TMEM232: variants seen among roughly 807,000 people sequenced by gnomAD.
TMEM232 encodes transmembrane protein 232.
TMEM232 carries 80 observed loss-of-function variants against 78.8 expected under a neutral mutation model. The ratio of observed to expected loss-of-function variants is 1.01; its 90% CI spans 0.85 to 1.22. TMEM232 has a LOEUF of 1.22. Among genes scored for constraint, TMEM232 ranks in the 50% most tolerant of loss-of-function variants. The pLI, the probability that TMEM232 is intolerant of heterozygous loss-of-function variation, is 0.00. For synonymous variants in TMEM232, 297 were observed against 254.3 expected (o/e 1.17, Z -1.60); for missense variants, 881 against 742.2 (o/e 1.19, Z -2.17).
chr5:110,665,038 T>C (rs569378704), intron 2 of TMEM232, among the ~76,000 whole-genome samples: 2 of 152,166 alleles, frequency 1.3e-5, no homozygotes, highest in African/African-American at 2.4e-5. Flanking sequence ...CACATTGAGG[T>C]TGGGACTTCA....
At chr5:110,536,555 G>A (rs1232998140) in intron 11 of TMEM232, among the ~76,000 whole-genome samples, 1 of 152,194 alleles carries the variant, frequency 6.6e-6, no homozygotes, top group Non-Finnish European at 1.5e-5. Flanking sequence ...ATTCCTACAT[G>A]TGACACAATT....
intron 6 of TMEM232, among the ~76,000 whole-genome samples, chr5:110,627,072 T>C (rs1199459260): frequency 6.6e-6 from 1 of 152,068 alleles, no homozygotes; most frequent in Non-Finnish European, 1.5e-5. Flanking sequence ...TTGCTGGGTA[T>C]ATATACCTGA....
chr5:110,559,293 T>C (rs991129076), intron 11 of TMEM232, among the ~76,000 whole-genome samples: 2 of 152,184 alleles, frequency 1.3e-5, no homozygotes, highest in African/African-American at 4.8e-5. Context: ...AAAATAGTTC[T>C]TAAATAGTAT....
At chr5:110,491,843 AAAGT>A (rs1312407707) in intron 12 of TMEM232, among the ~76,000 whole-genome samples, 2 of 151,924 alleles carry the variant, frequency 1.3e-5, no homozygotes, top group Non-Finnish European at 2.9e-5. Context: ...AAATATGGGA[AAAGT>A]AAGTAATACT....
chr5:110,667,391 G>A, intron 1 of TMEM232, 27 bp from the exon 2 acceptor site: 2 of 1,438,626 alleles, frequency 1.4e-6, no homozygotes, highest in Non-Finnish European at 1.9e-6. Context: ...ATGTATGTTA[G>A]CATACAAATG....
chr5:110,602,664 G>A (rs1314823760), intron 10 of TMEM232, among the ~76,000 whole-genome samples: 2 of 152,142 alleles, frequency 1.3e-5, no homozygotes, highest in East Asian at 3.8e-4. Flanking sequence ...AGAGGATCTG[G>A]AGAAATAGGA....
intron 3 of TMEM232, among the ~76,000 whole-genome samples, chr5:110,641,291 A>G (rs1308509172): frequency 6.6e-6 from 1 of 152,118 alleles, no homozygotes; most frequent in Non-Finnish European, 1.5e-5. Context: ...TTTTCCCCCA[A>G]GGGAATGCAT....
intron 12 of TMEM232, among the ~76,000 whole-genome samples, chr5:110,456,005 G>A (rs1317770038): frequency 6.6e-6 from 1 of 152,176 alleles, no homozygotes; most frequent in African/African-American, 2.4e-5. Context: ...ACATAATGAT[G>A]AAAGCAGAAT....
intron 1 of TMEM232, among the ~76,000 whole-genome samples, chr5:110,703,065 C>T (rs2150281772): frequency 6.6e-6 from 1 of 152,084 alleles, no homozygotes; most frequent in South Asian, 2.1e-4. Context: ...ACTTGACTCT[C>T]CGGAGGGTAA....
chr5:110,421,911 T>C (rs1306511205), intron 13 of TMEM232, among the ~76,000 whole-genome samples: 1 of 152,204 alleles, frequency 6.6e-6, no homozygotes, highest in East Asian at 1.9e-4. Flanking sequence ...TGCACTTATC[T>C]TAAGGCTGTA....
At chr5:110,541,772 C>A (rs976635403) in intron 11 of TMEM232, among the ~76,000 whole-genome samples, 2 of 152,068 alleles carry the variant, frequency 1.3e-5, no homozygotes, top group Non-Finnish European at 2.9e-5. Context: ...TTATCTGAAG[C>A]CCTTTCTAAA....
chr5:110,543,725 C>G (rs1029500376), intron 11 of TMEM232, among the ~76,000 whole-genome samples: 1 of 152,134 alleles, frequency 6.6e-6, no homozygotes, highest in Non-Finnish European at 1.5e-5. Context: ...GGACAGAGCA[C>G]TAGAGCTCTG....
At chr5:110,387,838 C>T (rs1755043826) in exon 5 of TMEM232, 1 of 152,146 alleles carries the variant, frequency 6.6e-6, no homozygotes, top group Non-Finnish European at 1.5e-5. Flanking sequence ...TCCAACTTCT[C>T]CTTGGCTCTA....
chr5:110,592,829 T>C (rs562371084), intron 10 of TMEM232, among the ~76,000 whole-genome samples: 1 of 152,300 alleles, frequency 6.6e-6, no homozygotes, highest in Non-Finnish European at 1.5e-5. Context: ...GCATGTGACC[T>C]GTAGAGATAG....
chr5:110,565,028 A>G (rs1487046363), intron 11 of TMEM232, among the ~76,000 whole-genome samples: 1 of 151,972 alleles, frequency 6.6e-6, no homozygotes, highest in African/African-American at 2.4e-5. Flanking sequence ...TCATCGGTTT[A>G]CTTCATAGCT....
At chr5:110,734,145 G>A (rs1186342571) in intron 2 of TMEM232, among the ~76,000 whole-genome samples, 1 of 152,180 alleles carries the variant, frequency 6.6e-6, no homozygotes, top group African/African-American at 2.4e-5. Context: ...AATCTTAGTG[G>A]TTTAAAATAC....
chr5:110,471,674 C>T (rs148209869), intron 12 of TMEM232, among the ~76,000 whole-genome samples: 9 of 150,732 alleles, frequency 6.0e-5, no homozygotes, highest in African/African-American at 2.2e-4. Context: ...ACCTAGCAGA[C>T]CAGTCCTTCA....
chr5:110,396,258 A>G (rs1008600302), intron 3 of TMEM232, among the ~76,000 whole-genome samples: 1 of 152,122 alleles, frequency 6.6e-6, no homozygotes, highest in Non-Finnish European at 1.5e-5. Flanking sequence ...AAACCACCCT[A>G]ATCACCCAAT....
chr5:110,724,871 A>G (rs951512896), intron 1 of TMEM232, among the ~76,000 whole-genome samples: 5 of 151,830 alleles, frequency 3.3e-5, no homozygotes, highest in Non-Finnish European at 5.9e-5. Context: ...CAACAAAAAA[A>G]CTTGCCATGT....
Sources: gnomAD v4.1 joint callset for allele counts (sites outside exome capture counted in the v4.1 genomes callset) on GRCh38, gnomAD v4.1.1 for gene constraint, MANE v1.5 for transcripts, NCBI Gene and HGNC (gene_info 2026-07-23, HGNC 2026-07-21) for gene names.